Variants in A2M observed in about 807,000 individuals in gnomAD.
A2M encodes C3 and PZP-like alpha-2-macroglobulin domain-containing protein 5.
In A2M, 128 loss-of-function variants were observed where a neutral mutation model predicts 183.9. The ratio of observed to expected loss-of-function variants is 0.70; its 90% CI spans 0.60 to 0.81. The LOEUF (loss-of-function observed/expected upper bound fraction) is 0.81. Among genes scored for constraint, A2M ranks in the 30% least tolerant of loss-of-function variants. The pLI is 0.00. For missense variants in A2M, 1,495 were observed against 1,787.6 expected, an observed-to-expected ratio of 0.84 and a Z score of 2.95; for synonymous variants, 592 against 670.8, an observed-to-expected ratio of 0.88 and a Z score of 1.81.
chr12:9,098,091 A>G (rs1949439728), intron 15 of A2M, among the ~76,000 whole-genome samples: 1 of 152,216 alleles, frequency 6.6e-6, no homozygotes, highest in African/African-American at 2.4e-5. Flanking sequence ...GACTTTGGGT[A>G]CTGTATGGTC....
chr12:9,092,027 C>T (rs1410201028), intron 18 of A2M, among the ~76,000 whole-genome samples: 1 of 152,196 alleles, frequency 6.6e-6, no homozygotes, highest in Non-Finnish European at 1.5e-5. Flanking sequence ...TAGCTAACAG[C>T]TCCCAGTTTC....
intron 22 of A2M, among the ~76,000 whole-genome samples, chr12:9,085,352 CAGG>C (rs1291875434): frequency 6.6e-6 from 1 of 151,878 alleles, no homozygotes; most frequent in East Asian, 1.9e-4. Context: ...AAATGAGTAA[CAGG>C]AGGAATTAGA....
At chr12:9,069,126 AT>A in intron 33 of A2M, 1 of 233,880 alleles carries the variant, frequency 4.3e-6, no homozygotes, top group Non-Finnish European at 8.2e-6. Context: ...AACTGTGTTC[AT>A]TTTTTAATAT....
intron 18 of A2M, among the ~76,000 whole-genome samples, chr12:9,092,162 G>A (rs955842860): frequency 6.6e-6 from 1 of 152,140 alleles, no homozygotes; most frequent in African/African-American, 2.4e-5. Context: ...CTGAAAAGCA[G>A]TAAGGGCACT....
chr12:9,103,424 A>G (rs1181642062), intron 11 of A2M, among the ~76,000 whole-genome samples: 1 of 152,152 alleles, frequency 6.6e-6, no homozygotes, highest in Non-Finnish European at 1.5e-5. Context: ...ATAAACACAC[A>G]CACACACACA....
chr12:9,111,411 AGT>A, intron 4 of A2M: 1 of 405,698 alleles, frequency 2.5e-6, no homozygotes, highest in Admixed American at 2.8e-5. Context: ...GAGGAGTGAA[AGT>A]AGAAGCTGGG....
Position 9,087,779 on chromosome 12 carries a change from A to G in A2M, c.2770+1421T>C, listed in dbSNP as rs150971971. On this transcript the variant is annotated intron_variant, in intron 22 of 35. Transcript: ENST00000318602. The stretch of plus-strand genomic sequence containing the variant: ...TACAATTATAAATGGTCAGTTTACA[A>G]TGTAATTAAAGAACAACAACAACAA... 1.2e-4 allele frequency among the ~76,000 whole-genome samples: 19 copies of G among 152,236 alleles called. No individual in the cohort carries two copies. In the East Asian group the frequency reaches 1.5e-3, roughly 12 times the overall value.
intron 13 of A2M, among the ~76,000 whole-genome samples, chr12:9,099,967 G>A (rs1937691645): frequency 6.6e-6 from 1 of 152,210 alleles, no homozygotes; most frequent in African/African-American, 2.4e-5. Flanking sequence ...TGATGCCTAT[G>A]TAGATTCTTT....
rs749694167 is a variant in A2M, at chr12:9,096,007, C to T, written c.1852-307G>A. On this transcript the variant is annotated intron_variant, in intron 15 of 35. Coordinates refer to ENST00000318602, the MANE Select transcript of A2M (RefSeq NM_000014.6). Reference sequence around the variant, plus strand: ...ATCTCCTGACCTCATGATCCACCCGCCTCGGCCTCCCAAAGTGCTGGGATT... The same window carrying T: ...ATCTCCTGACCTCATGATCCACCCGTCTCGGCCTCCCAAAGTGCTGGGATT... Among the ~76,000 whole-genome samples, 300 of 151,988 alleles carry T rather than the reference C, an allele frequency of 2.0e-3. 4 individuals are homozygous for T. Among genetic ancestry groups the T allele is most frequent in the African/African-American group, 7.0e-3 (290 of 41,464 alleles).
rs1238234734 is a variant in A2M at position 9,070,514 on chromosome 12, T to A, written c.4168A>T (p.Ile1390Phe). ...ATTTTCACTGTTGGCTTCAGGGGAA[T>A]GAAGCCAGAGACCATCTTCACATCA... is the stretch of plus-strand genomic sequence containing the variant. ...IVDVKMVSGF[I>F]PLKPTVKMLE... The change falls in exon 32 of 36, where the codon ATT (isoleucine) becomes TTT (phenylalanine). Residue 1390 changes from isoleucine (I) to phenylalanine (F), a missense_variant. By Grantham distance (21) the Ile-to-Phe change is conservative (BLOSUM62 0). Coordinates refer to ENST00000318602, the MANE Select transcript of A2M (RefSeq NM_000014.6). 6.2e-7 allele frequency: 1 copy of A among 1,613,730 alleles called. No homozygotes were observed. The highest frequency in any genetic ancestry group is 2.2e-5 in the East Asian group (1 of 44,892).
At chr12:9,113,102 T>A (rs1361383556) in intron 2 of A2M, among the ~76,000 whole-genome samples, 1 of 51,560 alleles carries the variant, frequency 1.9e-5, no homozygotes, top group Non-Finnish European at 4.6e-5. Flanking sequence ...GAAGTCACAT[T>A]TTCTTTTTTT....
chr12:9,112,435 G>A lies in A2M; in HGVS notation c.372C>T (p.Asn124=), dbSNP rs199872729. Residue 124 remains asparagine, a synonymous_variant, in exon 3 of 36, where the codon AAC becomes AAT. Coordinates refer to ENST00000318602, the MANE Select transcript of A2M (RefSeq NM_000014.6). The part of the protein sequence containing the change: ...FKKRTTVMVK[N]EDSLVFVQTD... ...TCTGGACAAAGACCAGACTGTCCTC[G>A]TTCTTAACCATCACTGTGGTCCGCT... 3.1e-5 allele frequency: 50 copies of A among 1,613,854 alleles called. No individual in the cohort carries two copies. Among genetic ancestry groups the A allele is most frequent in the South Asian group, 5.5e-5 (5 of 91,068 alleles).
chr12:9,107,905 T>G (rs972005497), intron 7 of A2M, among the ~76,000 whole-genome samples: 1 of 152,054 alleles, frequency 6.6e-6, no homozygotes, highest in African/African-American at 2.4e-5. Flanking sequence ...AAAAAAGTCT[T>G]TCTTATTATA....
At chr12:9,114,403 GAT>G (rs1938968546) in intron 1 of A2M, among the ~76,000 whole-genome samples, 4 of 152,042 alleles carry the variant, frequency 2.6e-5, no homozygotes, top group Non-Finnish European at 2.9e-5. Context: ...AATAGCAAAA[GAT>G]ATTATTTTTG....
intron 25 of A2M, among the ~76,000 whole-genome samples, chr12:9,078,380 T>G (rs1948810411): frequency 6.6e-6 from 1 of 152,246 alleles, no homozygotes; most frequent in African/African-American, 2.4e-5. Context: ...TCATTTCTTT[T>G]TATTGCTGCA....
chr12:9,112,171 G>A lies in A2M; in HGVS notation c.471C>T (p.Pro157=), dbSNP rs767862525. Residue 157 remains proline (P), a synonymous_variant, in exon 4 of 36, where the codon CCC becomes CCT. Transcript: ENST00000318602. ...ATAGAAAACTCACCAACTCATTCAG[G>A]GGGTGAAAGTTTTCATCCATGGAGA... ...RVVSMDENFH[P]LNELIPLVYI... is the part of the protein sequence containing the mutation. 1 of 1,613,644 alleles carries A rather than the reference G, an allele frequency of 6.2e-7. No homozygotes were observed. Among genetic ancestry groups the A allele is most frequent in the Non-Finnish European group, 8.5e-7 (1 of 1,179,664 alleles).
At chr12:9,091,866 C>T (rs771250128) in intron 18 of A2M, among the ~76,000 whole-genome samples, 3 of 152,096 alleles carry the variant, frequency 2.0e-5, no homozygotes, top group Admixed American at 6.5e-5. Flanking sequence ...GTCCTTATGC[C>T]CATTTTCTGG....
Position 9,094,967 on chromosome 12 carries a change from G to A in A2M, c.2125+6C>T. On this transcript the variant is annotated splice_donor_region_variant and intron_variant, in intron 17 of 35. Transcript: ENST00000318602. Reference sequence around the variant, plus strand: ...GGCAATATATATTTATTAATTTTTTGTTTACCATAAAAACCTACACGTAGA... The same window carrying A: ...GGCAATATATATTTATTAATTTTTTATTTACCATAAAAACCTACACGTAGA... 3.5e-6 allele frequency: 5 copies of A among 1,446,734 alleles called. No homozygotes were observed. The highest frequency in any genetic ancestry group is 4.6e-6 in the Non-Finnish European group (5 of 1,078,378). 89.6% of individuals were successfully genotyped at this position (1,446,734 alleles called of 1,614,324 possible).
chr12:9,115,938 C>T (rs773101648), upstream of A2M: 41 of 1,088,072 alleles, frequency 3.8e-5, no homozygotes, highest in Admixed American at 6.6e-4. Context: ...CCCAAAGCAA[C>T]TGGGCTTTAT....
Sources: allele counts gnomAD v4.1 joint callset (sites outside exome capture counted in the v4.1 genomes callset), GRCh38; gene constraint gnomAD v4.1.1; transcripts MANE v1.5; gene names NCBI Gene and HGNC (gene_info 2026-07-23, HGNC 2026-07-21).